CTNNA3: variants seen among roughly 807,000 people sequenced by gnomAD.
The protein encoded by CTNNA3 is catenin alpha 3.
Under a neutral mutation model 95.7 loss-of-function variants are expected in CTNNA3, and 76 were observed. That is an observed-to-expected ratio of 0.79 (90% CI 0.66 to 0.96). The LOEUF (loss-of-function observed/expected upper bound fraction) is 0.96, where lower values mean the gene tolerates loss of function less well. Among genes scored for constraint, CTNNA3 ranks in the 40% least tolerant of loss-of-function variants. The probability of loss-of-function intolerance (pLI) is 0.00; values close to 1 mark genes in which losing one functional copy is unlikely to be tolerated. For synonymous variants in CTNNA3, 431 were observed against 374.4 expected (o/e 1.15, Z -1.74); for missense variants, 1,191 against 1,089.8 (o/e 1.09, Z -1.31).
At chr10:66,736,359 T>C (rs893436620) in intron 9 of CTNNA3, among the ~76,000 whole-genome samples, 5 of 151,770 alleles carry the variant, frequency 3.3e-5, no homozygotes, top group Admixed American at 2.6e-4. Flanking sequence ...CTAATTTTTT[T>C]TTTTTTTAAT....
chr10:66,012,928 T>C (rs2079031766), intron 15 of CTNNA3, among the ~76,000 whole-genome samples: 1 of 152,172 alleles, frequency 6.6e-6, no homozygotes, highest in Non-Finnish European at 1.5e-5. Flanking sequence ...GCATCATATA[T>C]CAGCTCTTGT....
At chr10:66,834,597 A>T (rs1200388186) in intron 7 of CTNNA3, among the ~76,000 whole-genome samples, 1 of 152,238 alleles carries the variant, frequency 6.6e-6, no homozygotes, top group Non-Finnish European at 1.5e-5. Flanking sequence ...TTAGCGGAGA[A>T]CACAAGTTAT....
chr10:67,298,826 G>A (rs1840148666), intron 5 of CTNNA3, among the ~76,000 whole-genome samples: 1 of 152,102 alleles, frequency 6.6e-6, no homozygotes, highest in Admixed American at 6.5e-5. Flanking sequence ...ACTTAAGTCT[G>A]CAAAAATATA....
chr10:66,367,904 T>A lies in CTNNA3; in HGVS notation c.1732+11248A>T, dbSNP rs375915186. Among the ~76,000 whole-genome samples, 584 of 89,264 alleles carry A rather than the reference T, an allele frequency of 6.5e-3. 6 individuals carry two copies. The highest frequency in any genetic ancestry group is 0.012 in the African/African-American group (331 of 27,468). The allele number at this position is 89,264 out of a possible 152,430, so 58.6% of individuals were successfully genotyped here. On this transcript the variant is annotated intron_variant, in intron 12 of 17. Coordinates refer to ENST00000433211, the MANE Select transcript of CTNNA3 (RefSeq NM_013266.4). ...TAATTATTATTATTATTATTATTAT[T>A]ATTATTATTATTATTATTATTATTT...
chr10:66,695,581 C>A (rs1847727083), intron 9 of CTNNA3, among the ~76,000 whole-genome samples: 1 of 152,170 alleles, frequency 6.6e-6, no homozygotes, highest in African/African-American at 2.4e-5. Context: ...CTTCTCCCAG[C>A]AGCCTAGTAG....
At chr10:67,699,942 G>T (rs1841022215), upstream of CTNNA3, among the ~76,000 whole-genome samples, 1 of 152,234 alleles carries the variant, frequency 6.6e-6, no homozygotes. Flanking sequence ...TTTCCGATGG[G>T]CTTAAAAGAC....
intron 5 of CTNNA3, among the ~76,000 whole-genome samples, chr10:67,269,760 T>A (rs1050841035): frequency 6.6e-6 from 1 of 152,128 alleles, no homozygotes; most frequent in Non-Finnish European, 1.5e-5. Context: ...GTATTACCAA[T>A]CTGTTAATGT....
intron 1 of CTNNA3, among the ~76,000 whole-genome samples, chr10:67,693,031 G>A (rs1840898846): frequency 6.6e-6 from 1 of 152,168 alleles, no homozygotes; most frequent in Non-Finnish European, 1.5e-5. Flanking sequence ...AAAGAAAAGA[G>A]GTGGGGAGGG....
intron 1 of CTNNA3, chr10:67,750,205 C>G: frequency 2.9e-6 from 4 of 1,379,424 alleles, no homozygotes; most frequent in Non-Finnish European, 4.1e-6. Context: ...AGACCAAGAA[C>G]CCACTGGAAG....
intron 11 of CTNNA3, among the ~76,000 whole-genome samples, chr10:66,413,756 C>T (rs998651408): frequency 1.3e-5 from 2 of 152,142 alleles, no homozygotes; most frequent in African/African-American, 4.8e-5. Context: ...AATGTCAGTT[C>T]CTGAGTGTCC....
chr10:66,112,760 A>T (rs1254311184), intron 13 of CTNNA3, among the ~76,000 whole-genome samples: 2 of 152,090 alleles, frequency 1.3e-5, no homozygotes, highest in Non-Finnish European at 1.5e-5. Context: ...CACTTAGAAT[A>T]ATGTCCCCAA....
chr10:66,953,781 T>A (rs754575242), intron 7 of CTNNA3, among the ~76,000 whole-genome samples: 5 of 152,188 alleles, frequency 3.3e-5, no homozygotes, highest in Admixed American at 6.6e-5. Context: ...TGATATAAGT[T>A]TTATTTTTTT....
chr10:66,942,295 G>C (rs1848038072), intron 7 of CTNNA3, among the ~76,000 whole-genome samples: 1 of 152,072 alleles, frequency 6.6e-6, no homozygotes, highest in Non-Finnish European at 1.5e-5. Flanking sequence ...TGTCCTTGAC[G>C]CTTACCAATC....
chr10:66,345,312 T>TA (rs2092497299), intron 12 of CTNNA3, among the ~76,000 whole-genome samples: 1 of 152,070 alleles, frequency 6.6e-6, no homozygotes, highest in Non-Finnish European at 1.5e-5. Context: ...TATAGCATCA[T>TA]AAAAAACCCC....
At chr10:66,554,861 A>T (rs2132118244) in intron 10 of CTNNA3, among the ~76,000 whole-genome samples, 1 of 151,844 alleles carries the variant, frequency 6.6e-6, no homozygotes, top group East Asian at 1.9e-4. Context: ...TGACACTGTT[A>T]ATATCTGGTG....
chr10:66,927,661 T>C lies in CTNNA3; in HGVS notation c.1048-152137A>G, dbSNP rs751566718. On this transcript the variant is annotated intron_variant, in intron 7 of 17. Transcript: ENST00000433211. This position sits in a 1 kb window ranked among gnomAD's most constrained non-coding sequence, Gnocchi z 4.7. Reference sequence around the variant, plus strand: ...AATCAGTGTCATAGGACAGACCATGTCCTGGACCTGGAGCTCCTTACAAAG... The same window carrying C: ...AATCAGTGTCATAGGACAGACCATGCCCTGGACCTGGAGCTCCTTACAAAG... 1 of 1,614,186 alleles carries C rather than the reference T, an allele frequency of 6.2e-7. No individual in the cohort carries two copies. The highest frequency in any genetic ancestry group is 8.5e-7 in the Non-Finnish European group (1 of 1,180,018).
At chr10:66,413,118 A>G (rs1357511425) in intron 11 of CTNNA3, among the ~76,000 whole-genome samples, 2 of 152,150 alleles carry the variant, frequency 1.3e-5, no homozygotes, top group Non-Finnish European at 2.9e-5. Flanking sequence ...AAATGCACAG[A>G]CACACACACA....
chr10:65,949,185 A>G (rs2133203021), intron 17 of CTNNA3, among the ~76,000 whole-genome samples: 1 of 152,326 alleles, frequency 6.6e-6, no homozygotes, highest in Admixed American at 6.5e-5. Context: ...GTTTCAGAGC[A>G]GGCAAAATGA....
chr10:67,759,284 A>C (rs1841450135), intron 1 of CTNNA3, among the ~76,000 whole-genome samples: 1 of 152,220 alleles, frequency 6.6e-6, no homozygotes, highest in African/African-American at 2.4e-5. Flanking sequence ...TATGGTATCC[A>C]AAACATATAC....
Sources: gnomAD v4.1 joint callset for allele counts (sites outside exome capture counted in the v4.1 genomes callset) on GRCh38, gnomAD v4.1.1 for gene constraint, Gnocchi (gnomAD v3.1) non-coding constraint, MANE v1.5 for transcripts, NCBI Gene and HGNC (gene_info 2026-07-23, HGNC 2026-07-21) for gene names.